Variants in DOCK8 observed in about 807,000 individuals in gnomAD.
DOCK8 encodes dedicator of cytokinesis protein 8.
Under a neutral mutation model 245.6 loss-of-function variants are expected in DOCK8, and 141 were observed. The observed-to-expected ratio is 0.57, with a 90% confidence interval of 0.50 to 0.66. The LOEUF (loss-of-function observed/expected upper bound fraction) is 0.66, where lower values mean the gene tolerates loss of function less well. Among genes scored for constraint, DOCK8 ranks in the 30% least tolerant of loss-of-function variants. DOCK8 has a pLI of 0.00. For missense variants in DOCK8, 2,965 were observed against 2,603.4 expected, an observed-to-expected ratio of 1.14 and a Z score of -3.02; for synonymous variants, 1,168 against 970.2, an observed-to-expected ratio of 1.20 and a Z score of -3.79.
chr9:311,881 A>G, intron 5 of DOCK8, 73 bp from the exon 6 acceptor site: 1 of 1,567,554 alleles, frequency 6.4e-7, no homozygotes, highest in South Asian at 1.1e-5. Context: ...CAGTCTTGAG[A>G]CATCCAAGAT....
At chr9:420,269 T>C (rs2056219566) in intron 30 of DOCK8, 132 bp from the exon 31 acceptor site, 1 of 993,446 alleles carries the variant, frequency 1.0e-6, no homozygotes, top group South Asian at 1.4e-5. Context: ...ATCTCCAGCC[T>C]AGCAGTGATG....
intron 2 of DOCK8, among the ~76,000 whole-genome samples, chr9:280,116 G>A (rs981895611): frequency 1.1e-4 from 16 of 146,478 alleles, no homozygotes; most frequent in Non-Finnish European, 2.4e-4. Flanking sequence ...TTTGACATGT[G>A]TTAGGGGCAA....
At chr9:242,442 G>A (rs1403839257) in intron 1 of DOCK8, among the ~76,000 whole-genome samples, 1 of 152,106 alleles carries the variant, frequency 6.6e-6, no homozygotes, top group Admixed American at 6.5e-5. Context: ...TACATGTCTT[G>A]TTATGTTAAA....
At chr9:399,007 A>T (rs1372597181) in intron 25 of DOCK8, 139 bp from the exon 26 acceptor site, 1 of 739,454 alleles carries the variant, frequency 1.4e-6, no homozygotes, top group African/African-American at 1.7e-5. Flanking sequence ...AAGGAGACTC[A>T]ACTACTTCGC....
intron 14 of DOCK8, among the ~76,000 whole-genome samples, 199 bp from the exon 15 acceptor site, chr9:367,819 G>T (rs1428862312): frequency 6.6e-6 from 1 of 152,110 alleles, no homozygotes; most frequent in Non-Finnish European, 1.5e-5. Flanking sequence ...AACAGAGAGC[G>T]ATGGGGGTTA....
At chr9:359,057 C>G (rs1425674926) in intron 14 of DOCK8, among the ~76,000 whole-genome samples, 1 of 152,192 alleles carries the variant, frequency 6.6e-6, no homozygotes. Flanking sequence ...TCTAGCAGGT[C>G]CATGGTGCAT....
At chr9:233,779 G>C (rs898290365) in intron 1 of DOCK8, among the ~76,000 whole-genome samples, 2 of 151,748 alleles carry the variant, frequency 1.3e-5, no homozygotes, top group Non-Finnish European at 2.9e-5. Context: ...TTTATTTTGA[G>C]CCTATGTGTG....
chr9:232,036 C>T (rs2047129630), intron 1 of DOCK8, among the ~76,000 whole-genome samples: 1 of 152,124 alleles, frequency 6.6e-6, no homozygotes, highest in African/African-American at 2.4e-5. Flanking sequence ...GTGGGTTTGT[C>T]ATAGATAGCT....
intron 47 of DOCK8, among the ~76,000 whole-genome samples, chr9:463,911 C>T (rs533991013): frequency 2.6e-5 from 4 of 152,270 alleles, no homozygotes; most frequent in South Asian, 4.2e-4. Flanking sequence ...TGGTCTTGTG[C>T]CAGGGTATTC....
At position 262,226 on chromosome 9, in the gene DOCK8, A is replaced by C. The variant is rs115691806; in HGVS notation, c.54-9401A>C. ...TGTCTAGTATAATGGCTAAAATGAA[A>C]AATACTAACAACACCAAGTATTGTT... is the stretch of plus-strand genomic sequence containing the variant. On this transcript the variant is annotated intron_variant, in intron 1 of 47. Coordinates refer to ENST00000432829, the MANE Select transcript of DOCK8 (RefSeq NM_203447.4). Among the ~76,000 whole-genome samples, 506 of 152,150 alleles carry C rather than the reference A, an allele frequency of 3.3e-3. 2 individuals are homozygous for C. The highest frequency in any genetic ancestry group is 0.012 in the African/African-American group (483 of 41,546).
rs1286651102 is a variant in DOCK8 at position 365,530 on chromosome 9, TAGA to T, written c.1680-2485_1680-2483del. Reference sequence around the variant, plus strand: ...GCTTCTATTATAGTAATGATAATAATAGAAGTCTACTGCTAGTCATAAAACTTA... The same window carrying T: ...GCTTCTATTATAGTAATGATAATAATAGTCTACTGCTAGTCATAAAACTTA... On this transcript the variant is annotated intron_variant, in intron 14 of 47. Coordinates refer to ENST00000432829, the MANE Select transcript of DOCK8 (RefSeq NM_203447.4). 2 of 440,732 alleles carry T rather than the reference TAGA, an allele frequency of 4.5e-6. 1 individual carries two copies. Among genetic ancestry groups the T allele is most frequent in the Non-Finnish European group, 9.0e-6 (2 of 223,180 alleles). The allele number at this position is 440,732 out of a possible 1,614,324, so 27.3% of individuals were successfully genotyped here.
chr9:237,857 C>A (rs2047292214), intron 1 of DOCK8, among the ~76,000 whole-genome samples: 1 of 152,112 alleles, frequency 6.6e-6, no homozygotes, highest in Admixed American at 6.5e-5. Context: ...TATATTTAAA[C>A]AGCATATATT....
chr9:420,806 C>A, intron 31 of DOCK8, 143 bp from the exon 32 acceptor site: 2 of 1,296,178 alleles, frequency 1.5e-6, no homozygotes, highest in South Asian at 1.2e-5. Flanking sequence ...GAGTTTTGGC[C>A]CATAGGATGC....
chr9:328,820 TATACTC>T (rs1428860342), intron 9 of DOCK8, among the ~76,000 whole-genome samples: 1 of 151,996 alleles, frequency 6.6e-6, no homozygotes, highest in Non-Finnish European at 1.5e-5. Context: ...CATTCTAGGC[TATACTC>T]TTTGCTGTTG....
At chr9:452,267 G>A (rs1353360707) in intron 46 of DOCK8, 150 bp downstream of exon 46, 8 of 635,772 alleles carry the variant, frequency 1.3e-5, no homozygotes, top group East Asian at 9.0e-5. Context: ...CTCTGGAGGT[G>A]TGGCTCAGCA....
chr9:352,468 G>A (rs1272996421), intron 14 of DOCK8, among the ~76,000 whole-genome samples: 4 of 152,150 alleles, frequency 2.6e-5, no homozygotes, highest in African/African-American at 9.7e-5. Context: ...ACTTGGCCAG[G>A]CACGGTGGCT....
At chr9:214,566 G>A, upstream of DOCK8, 26 of 1,613,980 alleles carry the variant, frequency 1.6e-5, no homozygotes, top group Non-Finnish European at 2.2e-5. Context: ...CCCCCGACTT[G>A]CCTACATTCC....
intron 10 of DOCK8, among the ~76,000 whole-genome samples, chr9:333,179 C>T (rs545163578): frequency 3.4e-4 from 52 of 152,284 alleles, no homozygotes; most frequent in African/African-American, 1.2e-3. Context: ...TTCAGGTATG[C>T]AAATAACTGG....
At chr9:237,887 A>G (rs916557020) in intron 1 of DOCK8, among the ~76,000 whole-genome samples, 5 of 151,854 alleles carry the variant, frequency 3.3e-5, no homozygotes, top group Admixed American at 3.3e-4. Flanking sequence ...TGATTAATTT[A>G]GAATTCATAT....
Sources: gnomAD v4.1 joint callset for allele counts (sites outside exome capture counted in the v4.1 genomes callset) on GRCh38, gnomAD v4.1.1 for gene constraint, MANE v1.5 for transcripts, NCBI Gene and HGNC (gene_info 2026-07-23, HGNC 2026-07-21) for gene names.